GIT2: variants seen among roughly 807,000 people sequenced by gnomAD.
GIT2 encodes ARF GTPase-activating protein GIT2.
Under a neutral mutation model 100.3 loss-of-function variants are expected in GIT2, and 32 were observed. The ratio of observed to expected loss-of-function variants is 0.32; its 90% CI spans 0.24 to 0.43. GIT2 has a LOEUF of 0.43. GIT2 is among the 20% of genes least tolerant of loss of function. The pLI, the probability that GIT2 is intolerant of heterozygous loss-of-function variation, is 1.00. For synonymous variants in GIT2, 353 were observed against 364.1 expected, an observed-to-expected ratio of 0.97 and a Z score of 0.35; for missense variants, 737 against 975.1, an observed-to-expected ratio of 0.76 and a Z score of 3.25.
At chr12:109,937,525 C>A (rs1238310389) in intron 18 of GIT2, among the ~76,000 whole-genome samples, 1 of 151,972 alleles carries the variant, frequency 6.6e-6, no homozygotes, top group Non-Finnish European at 1.5e-5. Flanking sequence ...AGGATGTTAC[C>A]CCAAGCAGTT....
rs1224262057 is a variant in GIT2, at chr12:109,962,896, G to A, written c.817-1211C>T. Among the ~76,000 whole-genome samples, 2 of 152,154 alleles carry A rather than the reference G, an allele frequency of 1.3e-5. No homozygotes were observed. Among genetic ancestry groups the A allele is most frequent in the Non-Finnish European group, 2.9e-5 (2 of 68,024 alleles). On this transcript the variant is annotated intron_variant, in intron 9 of 19. Coordinates refer to ENST00000355312, the MANE Select transcript of GIT2 (RefSeq NM_057169.5). This position sits in a 1 kb window ranked among gnomAD's most constrained non-coding sequence, Gnocchi z 4.3. Reference sequence around the variant, plus strand: ...TCATGCCTATAATCCCAACACTTTGGGAGGCAGAGGCAGGAAGATCACTCA... The same window carrying A: ...TCATGCCTATAATCCCAACACTTTGAGAGGCAGAGGCAGGAAGATCACTCA...
At chr12:109,959,069 C>T (rs1354724033) in intron 12 of GIT2, among the ~76,000 whole-genome samples, 2 of 149,610 alleles carry the variant, frequency 1.3e-5, no homozygotes, top group African/African-American at 4.9e-5. Flanking sequence ...TTTTCTTTTC[C>T]GTTTTTTTTT....
chr12:109,984,023 G>A (rs567737928), intron 4 of GIT2, among the ~76,000 whole-genome samples: 2 of 152,240 alleles, frequency 1.3e-5, no homozygotes, highest in South Asian at 4.2e-4. Context: ...TCTGACATAC[G>A]ACAGACCTGA....
chr12:109,945,035 G>T (rs921959172), intron 16 of GIT2, among the ~76,000 whole-genome samples: 2 of 152,186 alleles, frequency 1.3e-5, no homozygotes, highest in African/African-American at 4.8e-5. Context: ...TAAATATGAC[G>T]TGAACATGAG....
At chr12:109,939,674 AAAT>A (rs1327351695) in intron 16 of GIT2, 1 of 134,044 alleles carries the variant, frequency 7.5e-6, no homozygotes, top group Non-Finnish European at 1.6e-5. Flanking sequence ...AACATTTAAA[AAAT>A]AAATAAAATA....
chr12:109,999,663 G>T (rs1360429992), upstream of GIT2: 2 of 1,504,568 alleles, frequency 1.3e-6, no homozygotes, highest in East Asian at 2.7e-5. The surrounding 1 kb of genome is among the most constrained non-coding windows in gnomAD (Gnocchi z 4.3). Flanking sequence ...GGCGGGCGAC[G>T]AGGACCAGGT....
intron 13 of GIT2, chr12:109,952,453 A>G: frequency 5.8e-6 from 3 of 517,208 alleles, no homozygotes; most frequent in Non-Finnish European, 1.2e-5. Context: ...CTCCCCAGAC[A>G]TGGCATCCTG....
In GIT2 at chr12:109,933,221, A is replaced by C; in HGVS notation, c.2068-31T>G. On this transcript the variant is annotated intron_variant, in intron 19 of 19. Coordinates refer to ENST00000355312, the MANE Select transcript of GIT2 (RefSeq NM_057169.5). This position sits in a 1 kb window ranked among gnomAD's most constrained non-coding sequence, Gnocchi z 4.5. ...AGGAAAAAGACAGCCGTTTACCCTG[A>C]ACTGCAGGGCAGACATCCAAAAGCA... 1 of 1,251,004 alleles carries C rather than the reference A, an allele frequency of 8.0e-7. No homozygotes were observed. The highest frequency in any genetic ancestry group is 1.1e-6 in the Non-Finnish European group (1 of 873,212). The allele number at this position is 1,251,004 out of a possible 1,614,324, so 77.5% of individuals were successfully genotyped here. A position where few individuals can be genotyped will look rare whatever the true frequency, so the allele number is the denominator to read the frequency against.
chr12:109,971,312 A>C (rs1883804423), intron 7 of GIT2, among the ~76,000 whole-genome samples: 1 of 151,932 alleles, frequency 6.6e-6, no homozygotes, highest in South Asian at 2.1e-4. Context: ...TTTATACCTA[A>C]GTATTTAATT....
At chr12:109,938,871 A>G in intron 17 of GIT2, 1 of 488,970 alleles carries the variant, frequency 2.0e-6, no homozygotes, top group South Asian at 3.0e-5. Flanking sequence ...CTTGGGTACA[A>G]ATGCAGAATG....
rs113272704 is a variant in GIT2, at chr12:109,985,784, T to C, written c.406-2090A>G. On this transcript the variant is annotated intron_variant, in intron 4 of 19. Transcript: ENST00000355312. ...GGGTGAATCGCTTAAACCCAGGAGG[T>C]GGAAGTTGCAGTGAGCCGAGATCGT... is the stretch of plus-strand genomic sequence containing the variant. Among the ~76,000 whole-genome samples the C allele has an allele frequency of 3.0e-3, 461 of 151,320 alleles. 1 individual carries two copies. Among genetic ancestry groups the C allele is most frequent in the African/African-American group, 0.011 (440 of 41,238 alleles).
chr12:109,943,545 G>C (rs1875373678), intron 16 of GIT2, among the ~76,000 whole-genome samples: 1 of 152,094 alleles, frequency 6.6e-6, no homozygotes. Flanking sequence ...TGTTGGCCAG[G>C]CTGGTCTCAA....
At chr12:109,991,933 G>A in intron 1 of GIT2, 173 bp from the exon 2 acceptor site, 2 of 566,510 alleles carry the variant, frequency 3.5e-6, no homozygotes, top group South Asian at 4.5e-5. Context: ...TACCTTGGCT[G>A]ATTAGGTACA....
intron 16 of GIT2, among the ~76,000 whole-genome samples, chr12:109,941,161 G>C (rs1874564155): frequency 6.6e-6 from 1 of 152,150 alleles, no homozygotes; most frequent in Admixed American, 6.5e-5. Context: ...TCAAATACAA[G>C]ACACTTGCTG....
intron 4 of GIT2, among the ~76,000 whole-genome samples, chr12:109,985,422 G>C (rs6606745): frequency 0.013 from 1,930 of 151,874 alleles, 22 homozygotes; most frequent in Middle Eastern, 0.027. Context: ...TTAAAAAAGG[G>C]GGGGGAAAAA....
chr12:109,990,794 T>C (rs1322908824), intron 2 of GIT2, among the ~76,000 whole-genome samples: 1 of 152,202 alleles, frequency 6.6e-6, no homozygotes, highest in African/African-American at 2.4e-5. Flanking sequence ...GTATTCTACA[T>C]GCAATCAAAA....
rs180945805 is a variant in GIT2, at chr12:109,962,768, T to C, written c.817-1083A>G. Among the ~76,000 whole-genome samples, 7 of 152,346 alleles carry C rather than the reference T, an allele frequency of 4.6e-5. No individual in the cohort carries two copies. The highest frequency in any genetic ancestry group is 1.7e-4 in the African/African-American group (7 of 41,582). Reference sequence around the variant, plus strand: ...CTATTGGGTTCCTTACATCCACACATGGTACCTCACACTTTAAAAGTGGCC... The same window carrying C: ...CTATTGGGTTCCTTACATCCACACACGGTACCTCACACTTTAAAAGTGGCC... On this transcript the variant is annotated intron_variant, in intron 9 of 19. Transcript: ENST00000355312. The surrounding 1 kb of genome is among the most constrained non-coding windows in gnomAD (Gnocchi z 4.3).
intron 7 of GIT2, among the ~76,000 whole-genome samples, chr12:109,972,280 C>T (rs903303400): frequency 6.6e-6 from 1 of 152,092 alleles, no homozygotes; most frequent in African/African-American, 2.4e-5. Context: ...AATTTGAAAG[C>T]AAACACAGTC....
chr12:109,973,916 C>T (rs983963119), intron 7 of GIT2, among the ~76,000 whole-genome samples: 7 of 151,696 alleles, frequency 4.6e-5, no homozygotes, highest in Admixed American at 3.3e-4. Context: ...GTGCTGCATG[C>T]CTATAATCCC....
Sources: gnomAD v4.1 joint callset for allele counts (sites outside exome capture counted in the v4.1 genomes callset) on GRCh38, gnomAD v4.1.1 for gene constraint, Gnocchi (gnomAD v3.1) non-coding constraint, MANE v1.5 for transcripts, NCBI Gene and HGNC (gene_info 2026-07-23, HGNC 2026-07-21) for gene names.